Variants in KHDRBS2 observed in about 807,000 individuals in gnomAD.
KHDRBS2 encodes the protein KH domain-containing, RNA-binding, signal transduction-associated protein 2.
A neutral mutation model predicts 44.3 loss-of-function variants in KHDRBS2; 26 were observed. The observed-to-expected ratio is 0.59, with a 90% confidence interval of 0.43 to 0.81. The LOEUF is 0.81. Ranked by LOEUF, KHDRBS2 falls within the 40% of genes least tolerant of loss-of-function variation. KHDRBS2 has a pLI of 0.00. For missense variants in KHDRBS2, 476 were observed against 433.1 expected, an observed-to-expected ratio of 1.10 and a Z score of -0.88; for synonymous variants, 194 against 151.1, an observed-to-expected ratio of 1.28 and a Z score of -2.08.
chr6:62,164,486 T>C (rs1818273494), intron 2 of KHDRBS2, among the ~76,000 whole-genome samples: 1 of 151,846 alleles, frequency 6.6e-6, no homozygotes, highest in Non-Finnish European at 1.5e-5. Flanking sequence ...GTAACATTAA[T>C]AATAACTAAT....
At chr6:62,277,536 G>T (rs1168893153) in intron 1 of KHDRBS2, among the ~76,000 whole-genome samples, 1 of 152,062 alleles carries the variant, frequency 6.6e-6, no homozygotes, top group Non-Finnish European at 1.5e-5. Context: ...TAGAGATGGG[G>T]TTTCACCGTG....
intron 2 of KHDRBS2, among the ~76,000 whole-genome samples, chr6:62,117,907 C>A (rs1806657846): frequency 6.6e-6 from 1 of 152,040 alleles, no homozygotes; most frequent in African/African-American, 2.4e-5. Flanking sequence ...TCCCGAGTAG[C>A]TTGGATTACA....
At chr6:61,568,872 A>T in the KHDRBS2 span, among the ~76,000 whole-genome samples, 48 of 152,300 alleles carry the variant, frequency 3.2e-4, 1 homozygote, top group South Asian at 9.7e-3. Context: ...GAATCTTCCA[A>T]CTGAAATTAG....
the KHDRBS2 span, among the ~76,000 whole-genome samples, chr6:61,631,335 A>T: frequency 5.7e-5 from 6 of 104,720 alleles, no homozygotes; most frequent in South Asian, 3.4e-4. Context: ...AAAAAAAAAA[A>T]AAGACAATAC....
chr6:61,623,449 G>A, the KHDRBS2 span, among the ~76,000 whole-genome samples: 6 of 152,170 alleles, frequency 3.9e-5, no homozygotes, highest in South Asian at 2.1e-4. Flanking sequence ...TGCCTTCTGA[G>A]AAACAGCTCC....
intron 1 of KHDRBS2, among the ~76,000 whole-genome samples, chr6:62,223,669 C>T (rs1218279717): frequency 7.9e-5 from 12 of 152,148 alleles, no homozygotes; most frequent in Non-Finnish European, 2.9e-5. Flanking sequence ...GAATGCTTTG[C>T]TGCTTAGAAG....
chr6:62,237,564 T>C (rs1352923048), intron 1 of KHDRBS2, among the ~76,000 whole-genome samples: 1 of 152,186 alleles, frequency 6.6e-6, no homozygotes, highest in Non-Finnish European at 1.5e-5. Flanking sequence ...CTGAACACTT[T>C]AGAAGATAGG....
intron 2 of KHDRBS2, among the ~76,000 whole-genome samples, chr6:62,115,171 C>A (rs77352584): frequency 2.0e-5 from 3 of 152,224 alleles, no homozygotes; most frequent in African/African-American, 7.2e-5. Context: ...TGTCTGATTT[C>A]TTTCAAAAGT....
At chr6:61,601,649 C>T in the KHDRBS2 span, among the ~76,000 whole-genome samples, 3 of 152,036 alleles carry the variant, frequency 2.0e-5, no homozygotes, top group Non-Finnish European at 4.4e-5. Flanking sequence ...CTTTCCCTCC[C>T]ACCTGTCCCC....
chr6:61,718,465 G>T (rs943416076), intron 7 of KHDRBS2, among the ~76,000 whole-genome samples: 62 of 152,074 alleles, frequency 4.1e-4, no homozygotes, highest in African/African-American at 1.4e-3. Flanking sequence ...TTTAGATGTT[G>T]TGCTGGATCT....
intron 6 of KHDRBS2, among the ~76,000 whole-genome samples, chr6:61,877,232 G>A (rs1031989446): frequency 1.3e-5 from 2 of 151,708 alleles, no homozygotes; most frequent in Non-Finnish European, 2.9e-5. Flanking sequence ...TTTCTTGTTC[G>A]GATCTGGCTA....
intron 2 of KHDRBS2, among the ~76,000 whole-genome samples, chr6:62,156,838 A>ATT (rs34408265): frequency 7.3e-5 from 9 of 124,036 alleles, no homozygotes; most frequent in African/African-American, 2.4e-4. Context: ...CGCCCGGCTA[A>ATT]TTTTTTTTTT....
At chr6:61,587,355 T>A in the KHDRBS2 span, among the ~76,000 whole-genome samples, 1 of 116,148 alleles carries the variant, frequency 8.6e-6, no homozygotes, top group Non-Finnish European at 1.9e-5. Context: ...AAGAGACAGC[T>A]TTTTTTTATC....
At chr6:62,072,511 T>A (rs559653125) in intron 2 of KHDRBS2, among the ~76,000 whole-genome samples, 50 of 152,312 alleles carry the variant, frequency 3.3e-4, no homozygotes, top group African/African-American at 1.1e-3. Flanking sequence ...TTGAGATACA[T>A]CTCATTAATA....
At chr6:61,777,091 G>A (rs1368590910) in intron 6 of KHDRBS2, among the ~76,000 whole-genome samples, 1 of 149,530 alleles carries the variant, frequency 6.7e-6, no homozygotes, top group Non-Finnish European at 1.5e-5. Flanking sequence ...TGAACAATGA[G>A]AACACATGGA....
At chr6:61,769,249 G>A (rs1780457390) in intron 6 of KHDRBS2, among the ~76,000 whole-genome samples, 1 of 152,046 alleles carries the variant, frequency 6.6e-6, no homozygotes, top group Admixed American at 6.6e-5. Context: ...ACAGAACACG[G>A]GTGATTTCGG....
chr6:62,097,736 TA>T (rs1279533030), intron 2 of KHDRBS2, among the ~76,000 whole-genome samples: 1 of 152,138 alleles, frequency 6.6e-6, no homozygotes, highest in Non-Finnish European at 1.5e-5. Flanking sequence ...TACTGCTAAG[TA>T]AGGCCTTACT....
chr6:62,144,499 T>C (rs560584193), intron 2 of KHDRBS2, among the ~76,000 whole-genome samples: 3 of 151,898 alleles, frequency 2.0e-5, no homozygotes, highest in African/African-American at 4.8e-5. Context: ...CAATCTCCTT[T>C]AATACCTGTA....
intron 1 of KHDRBS2, among the ~76,000 whole-genome samples, chr6:62,203,160 C>T (rs1827318682): frequency 6.6e-6 from 1 of 152,054 alleles, no homozygotes; most frequent in Non-Finnish European, 1.5e-5. Flanking sequence ...GGAAAAACAT[C>T]TTGCAGGTAA....
Sources: allele counts gnomAD v4.1 joint callset (sites outside exome capture counted in the v4.1 genomes callset), GRCh38; gene constraint gnomAD v4.1.1; transcripts MANE v1.5; gene names NCBI Gene and HGNC (gene_info 2026-07-23, HGNC 2026-07-21).